The following FAM227B variants were observed in gnomAD, a reference collection of about 807,000 sequenced individuals.
FAM227B encodes the protein protein FAM227B.
Under a neutral mutation model 73.8 loss-of-function variants are expected in FAM227B, and 88 were observed. The observed-to-expected ratio is 1.19, with a 90% confidence interval of 1.00 to 1.42. The LOEUF (loss-of-function observed/expected upper bound fraction) is 1.42, where lower values mean the gene tolerates loss of function less well. Among genes scored for constraint, FAM227B ranks in the 40% most tolerant of loss-of-function variants. The pLI, the probability that FAM227B is intolerant of heterozygous loss-of-function variation, is 0.00. For missense variants in FAM227B, 632 were observed against 590.9 expected (o/e 1.07, Z -0.72); for synonymous variants, 210 against 190.5 (o/e 1.10, Z -0.84).
intron 11 of FAM227B, among the ~76,000 whole-genome samples, chr15:49,444,552 C>T (rs544073579): frequency 4.0e-5 from 6 of 151,718 alleles, no homozygotes; most frequent in Admixed American, 1.3e-4. Flanking sequence ...TCAGTTAAAA[C>T]GTTATGTGTG....
Position 49,327,741 on chromosome 15 carries a change from C to T in FAM227B, c.*827G>A. 2.4e-6 allele frequency: 1 copy of T among 425,300 alleles called. No individual in the cohort carries two copies. 26.3% of individuals were successfully genotyped at this position (425,300 alleles called of 1,614,324 possible). A position where few individuals can be genotyped will look rare whatever the true frequency, so the allele number is the denominator to read the frequency against. On this transcript the variant is annotated 3_prime_UTR_variant, in exon 16 of 16. Transcript: ENST00000299338. ...TTGACTTACCACTTGGAGTCAAAAC[C>T]AGGGACTAGATTTAGATACAATGAA...
intron 12 of FAM227B, among the ~76,000 whole-genome samples, chr15:49,369,294 A>C (rs1372460153): frequency 6.6e-6 from 1 of 152,106 alleles, no homozygotes; most frequent in Admixed American, 6.6e-5. Context: ...TCGCAAGTTG[A>C]CCAAAAACCT....
chr15:49,500,340 A>G (rs7183313), intron 11 of FAM227B, among the ~76,000 whole-genome samples: 1 of 152,174 alleles, frequency 6.6e-6, no homozygotes, highest in African/African-American at 2.4e-5. Flanking sequence ...ATAACCTGTG[A>G]GAGCAGCTGT....
At chr15:49,548,976 T>C (rs1313881083) in intron 9 of FAM227B, among the ~76,000 whole-genome samples, 1 of 152,200 alleles carries the variant, frequency 6.6e-6, no homozygotes, top group Non-Finnish European at 1.5e-5. Flanking sequence ...ATCTTTCTTA[T>C]CATTTGTTTT....
intron 11 of FAM227B, among the ~76,000 whole-genome samples, chr15:49,372,163 CAT>C (rs2045883054): frequency 8.3e-6 from 1 of 120,670 alleles, no homozygotes; most frequent in African/African-American, 3.2e-5. Flanking sequence ...AAATAAAATT[CAT>C]TTATAAATAA....
intron 11 of FAM227B, among the ~76,000 whole-genome samples, chr15:49,405,426 A>G (rs986642479): frequency 6.6e-6 from 1 of 152,124 alleles, no homozygotes; most frequent in East Asian, 1.9e-4. Flanking sequence ...ATAATCCCAT[A>G]TTTCTCAGAG....
chr15:49,430,524 A>C (rs2050513726), intron 11 of FAM227B, among the ~76,000 whole-genome samples: 1 of 151,866 alleles, frequency 6.6e-6, no homozygotes. Flanking sequence ...TGTTGATATA[A>C]GAGAATACTG....
intron 3 of FAM227B, among the ~76,000 whole-genome samples, chr15:49,592,328 G>A (rs1289912098): frequency 2.0e-5 from 3 of 152,114 alleles, no homozygotes; most frequent in Non-Finnish European, 1.5e-5. Context: ...CTTTGATGTT[G>A]GTGACCTACA....
chr15:49,395,827 A>G (rs2047545571), intron 11 of FAM227B: 1 of 402,300 alleles, frequency 2.5e-6, no homozygotes, highest in African/African-American at 2.1e-5. Context: ...CGAAGTTTAA[A>G]GAGTTAAACT....
intron 11 of FAM227B, among the ~76,000 whole-genome samples, chr15:49,471,966 G>C (rs1000296107): frequency 6.6e-6 from 1 of 151,284 alleles, no homozygotes; most frequent in Admixed American, 6.6e-5. Flanking sequence ...AGACATGACA[G>C]CACAGGTGTT....
chr15:49,569,253 C>T, intron 8 of FAM227B, among the ~76,000 whole-genome samples: 1 of 149,112 alleles, frequency 6.7e-6, no homozygotes, highest in Non-Finnish European at 1.5e-5. Context: ...TAATTATAGT[C>T]TTCCCTATTT....
At position 49,504,108 on chromosome 15, in the gene FAM227B, C is replaced by G. The variant is rs892435161; in HGVS notation, c.1012+4103G>C. Among the ~76,000 whole-genome samples, 16 of 152,164 alleles carry G rather than the reference C, an allele frequency of 1.1e-4. No individual in the cohort carries two copies. The South Asian group carries it at 1.9e-3, about 18-fold the overall frequency. ...ATACTATGCAGCCATAAAAAATGATCAGTTCATGTCCTTTGTAGGGACATG... is the reference window on the plus strand; with the variant it reads ...ATACTATGCAGCCATAAAAAATGATGAGTTCATGTCCTTTGTAGGGACATG... On this transcript the variant is annotated intron_variant, in intron 11 of 15. Coordinates refer to ENST00000299338, the MANE Select transcript of FAM227B (RefSeq NM_152647.3).
chr15:49,522,096 G>T lies in FAM227B; in HGVS notation c.875-13748C>A, dbSNP rs150423930. Among the ~76,000 whole-genome samples the T allele has an allele frequency of 1.9e-3, 282 of 152,258 alleles. 2 individuals carry two copies. The highest frequency in any genetic ancestry group is 6.5e-3 in the African/African-American group (268 of 41,550). ...CATCCACACTCTCAGCCACACAGAA[G>T]ACAGTGAGTCAGTTCATACACCCAA... On this transcript the variant is annotated intron_variant, in intron 10 of 15. Transcript: ENST00000299338.
chr15:49,511,221 C>G (rs2058973105), intron 10 of FAM227B, among the ~76,000 whole-genome samples: 1 of 152,056 alleles, frequency 6.6e-6, no homozygotes, highest in Non-Finnish European at 1.5e-5. Flanking sequence ...TTAGTTTCTT[C>G]CCATTTGAGA....
chr15:49,482,800 A>G (rs1190899737), intron 11 of FAM227B, among the ~76,000 whole-genome samples: 1 of 152,074 alleles, frequency 6.6e-6, no homozygotes, highest in Non-Finnish European at 1.5e-5. Flanking sequence ...GAGCAATGCA[A>G]TAATCCTTGG....
Position 49,611,270 on chromosome 15 carries a change from T to C in FAM227B, c.52-2A>G. Reference sequence around the variant, plus strand: ...GCTCTTTGGAGGTTCTTGCATTTTCTAATAAAGTAATATCAACATTGTTCA... The same window carrying C: ...GCTCTTTGGAGGTTCTTGCATTTTCCAATAAAGTAATATCAACATTGTTCA... On this transcript the variant is annotated splice_acceptor_variant, in intron 2 of 15. Coordinates refer to ENST00000299338, the MANE Select transcript of FAM227B (RefSeq NM_152647.3). LOFTEE classifies it high-confidence loss of function. 2 of 1,556,496 alleles carry C rather than the reference T, an allele frequency of 1.3e-6. No homozygotes were observed. The highest frequency in any genetic ancestry group is 8.8e-7 in the Non-Finnish European group (1 of 1,131,502).
chr15:49,455,919 G>A (rs2053241674), intron 11 of FAM227B, among the ~76,000 whole-genome samples: 1 of 151,932 alleles, frequency 6.6e-6, no homozygotes, highest in Non-Finnish European at 1.5e-5. Flanking sequence ...CTCCAAATGT[G>A]TTGGAAATTA....
At chr15:49,387,315 C>G (rs942998234) in intron 11 of FAM227B, among the ~76,000 whole-genome samples, 1 of 151,810 alleles carries the variant, frequency 6.6e-6, no homozygotes, top group Admixed American at 6.6e-5. Flanking sequence ...GGGTTTCATC[C>G]CAGGGATGCT....
chr15:49,569,825 C>G (rs1012364492), intron 8 of FAM227B, among the ~76,000 whole-genome samples: 1 of 151,942 alleles, frequency 6.6e-6, no homozygotes, highest in African/African-American at 2.4e-5. Context: ...CTCTCTACTT[C>G]TGTGAGTTCA....
Sources: allele counts gnomAD v4.1 joint callset (sites outside exome capture counted in the v4.1 genomes callset), GRCh38; gene constraint gnomAD v4.1.1; transcripts MANE v1.5; gene names NCBI Gene and HGNC (gene_info 2026-07-23, HGNC 2026-07-21).